RPS6KC1: variants seen among roughly 807,000 people sequenced by gnomAD.
RPS6KC1 encodes ribosomal protein S6 kinase C1.
A neutral mutation model predicts 103.8 loss-of-function variants in RPS6KC1; 54 were observed. The observed-to-expected ratio is 0.52, with a 90% CI of 0.42 to 0.65. RPS6KC1 has a LOEUF of 0.65. Among genes scored for constraint, RPS6KC1 ranks in the 30% least tolerant of loss-of-function variants. RPS6KC1 has a pLI of 0.00. For missense variants in RPS6KC1, 1,151 were observed against 1,253.8 expected (o/e 0.92, Z 1.24); for synonymous variants, 439 against 438.7 (o/e 1.00, Z -0.01).
At chr1:213,383,082 C>T in the RPS6KC1 span, among the ~76,000 whole-genome samples, 9 of 152,226 alleles carry the variant, frequency 5.9e-5, no homozygotes, top group African/African-American at 1.2e-4. Context: ...TCTTGCCCCA[C>T]AGAGCCTCCA....
chr1:213,286,871 T>C, the RPS6KC1 span, among the ~76,000 whole-genome samples: 1 of 152,154 alleles, frequency 6.6e-6, no homozygotes, highest in Non-Finnish European at 1.5e-5. Flanking sequence ...AGCTGCTAGC[T>C]TGCAGGAAAT....
the RPS6KC1 span, among the ~76,000 whole-genome samples, chr1:213,323,672 C>G: frequency 3.9e-5 from 6 of 152,050 alleles, no homozygotes; most frequent in African/African-American, 1.4e-4. Context: ...CCATTGAAAA[C>G]TTGTTGGAAG....
Position 213,245,634 on chromosome 1 carries a change from A to T in RPS6KC1, c.2911+2976A>T, listed in dbSNP as rs541475799. Among the ~76,000 whole-genome samples, 29 of 152,300 alleles carry T rather than the reference A, an allele frequency of 1.9e-4. 1 individual carries two copies. Among genetic ancestry groups the T allele is most frequent in the African/African-American group, 7.0e-4 (29 of 41,560 alleles). On this transcript the variant is annotated intron_variant, in intron 12 of 14. Transcript: ENST00000366960. ...AGTATATCTTTTTATCTTGTGGATG[A>T]TGTGCCTTTATATTTTGAGAAAAAT... is the stretch of plus-strand genomic sequence containing the variant.
At chr1:213,840,176 A>C in the RPS6KC1 span, 4,308 of 152,216 alleles carry the variant, frequency 0.028, 111 homozygotes, top group East Asian at 0.089. Flanking sequence ...CTCTAATGTC[A>C]GTAGTCCATC....
chr1:213,702,984 T>C, the RPS6KC1 span, among the ~76,000 whole-genome samples: 22 of 152,170 alleles, frequency 1.4e-4, no homozygotes, highest in Non-Finnish European at 2.2e-4. Context: ...ATTTGTTTCC[T>C]GGTTGTCTTG....
At chr1:213,459,941 G>C in the RPS6KC1 span, among the ~76,000 whole-genome samples, 2 of 152,164 alleles carry the variant, frequency 1.3e-5, no homozygotes, top group African/African-American at 4.8e-5. Context: ...ATTGCACTGT[G>C]GTCTGAGAGA....
chr1:213,419,471 T>C, the RPS6KC1 span, among the ~76,000 whole-genome samples: 1 of 152,164 alleles, frequency 6.6e-6, no homozygotes. Flanking sequence ...TATTTAACTA[T>C]CCTGACTTTA....
the RPS6KC1 span, among the ~76,000 whole-genome samples, chr1:213,603,658 G>A: frequency 3.3e-5 from 5 of 151,672 alleles, no homozygotes; most frequent in African/African-American, 9.7e-5. Flanking sequence ...TCAGGAGTTC[G>A]AGACCAGCCT....
intron 8 of RPS6KC1, among the ~76,000 whole-genome samples, chr1:213,188,769 G>C (rs1573122558): frequency 6.6e-6 from 1 of 151,476 alleles, no homozygotes; most frequent in African/African-American, 2.4e-5. Flanking sequence ...ACTCACCATA[G>C]ATGTAAATTC....
In RPS6KC1 at chr1:213,186,423, C is replaced by T. The variant is rs189331066; in HGVS notation, c.1044+9931C>T. 1.1e-4 allele frequency among the ~76,000 whole-genome samples: 16 copies of T among 152,064 alleles called. 1 individual carries two copies. In the East Asian group the frequency reaches 2.1e-3, roughly 20 times the overall value. The stretch of plus-strand genomic sequence containing the variant: ...GAAAATGTTGTTTCACTCTTGTCTG[C>T]GTGGTTTCTGTTGAGAAGTCTTGTC... On this transcript the variant is annotated intron_variant, in intron 8 of 14. Coordinates refer to ENST00000366960, the MANE Select transcript of RPS6KC1 (RefSeq NM_012424.6).
At chr1:213,238,430 A>G (rs958523077) in intron 10 of RPS6KC1, among the ~76,000 whole-genome samples, 1 of 152,150 alleles carries the variant, frequency 6.6e-6, no homozygotes, top group Admixed American at 6.6e-5. Flanking sequence ...CAGGAGTTCA[A>G]ATGCCTATGC....
intron 12 of RPS6KC1, among the ~76,000 whole-genome samples, chr1:213,245,721 G>A (rs1263615967): frequency 6.6e-6 from 1 of 151,980 alleles, no homozygotes; most frequent in Non-Finnish European, 1.5e-5. Flanking sequence ...CTAGCAGGGG[G>A]GCCATTATTC....
chr1:213,580,827 T>G, the RPS6KC1 span, among the ~76,000 whole-genome samples: 13 of 152,026 alleles, frequency 8.6e-5, no homozygotes, highest in Admixed American at 8.5e-4. Context: ...GACAAAATGC[T>G]ATGCTATTGC....
At chr1:213,622,341 A>C in the RPS6KC1 span, among the ~76,000 whole-genome samples, 1 of 150,520 alleles carries the variant, frequency 6.6e-6, no homozygotes, top group African/African-American at 2.5e-5. Context: ...GCTTTCTGCT[A>C]TCAGGGGCAT....
At chr1:213,655,384 C>T in the RPS6KC1 span, among the ~76,000 whole-genome samples, 1 of 152,202 alleles carries the variant, frequency 6.6e-6, no homozygotes, top group Non-Finnish European at 1.5e-5. Context: ...AGGTAAGTAA[C>T]ACCAAACATT....
the RPS6KC1 span, among the ~76,000 whole-genome samples, chr1:213,424,180 C>T: frequency 6.6e-6 from 1 of 152,164 alleles, no homozygotes; most frequent in African/African-American, 2.4e-5. Context: ...AGAAAATAAA[C>T]CTCTTATCTG....
At chr1:213,752,084 T>C in the RPS6KC1 span, among the ~76,000 whole-genome samples, 1 of 152,192 alleles carries the variant, frequency 6.6e-6, no homozygotes, top group Non-Finnish European at 1.5e-5. Flanking sequence ...GTAAAAAGCT[T>C]TCATTCATAG....
chr1:213,582,437 G>C, the RPS6KC1 span, among the ~76,000 whole-genome samples: 1 of 152,106 alleles, frequency 6.6e-6, no homozygotes, highest in African/African-American at 2.4e-5. Flanking sequence ...AATCCTTACT[G>C]ACGGCACATG....
chr1:213,240,046 A>G (rs1421413193), intron 10 of RPS6KC1, among the ~76,000 whole-genome samples: 1 of 152,202 alleles, frequency 6.6e-6, no homozygotes, highest in Non-Finnish European at 1.5e-5. Flanking sequence ...GTCAGAATAC[A>G]CAGTCGGAAT....
Sources: allele counts gnomAD v4.1 joint callset (sites outside exome capture counted in the v4.1 genomes callset), GRCh38; gene constraint gnomAD v4.1.1; transcripts MANE v1.5; gene names NCBI Gene and HGNC (gene_info 2026-07-23, HGNC 2026-07-21).